The following COMMD1 variants were observed in gnomAD, a reference collection of about 807,000 sequenced individuals.
The protein encoded by COMMD1 is COMM domain-containing protein 1.
In COMMD1, 10 loss-of-function variants were observed where a neutral mutation model predicts 17.2. The observed-to-expected ratio is 0.58, with a 90% CI of 0.36 to 0.99. The LOEUF is 0.99. Among genes scored for constraint, COMMD1 ranks in the 50% least tolerant of loss-of-function variants. The pLI, the probability that COMMD1 is intolerant of heterozygous loss-of-function variation, is 0.01. For missense variants in COMMD1, 270 were observed against 231.8 expected (o/e 1.17, Z -1.07); for synonymous variants, 97 against 91.6 (o/e 1.06, Z -0.34).
chr2:62,034,088 CAAAAA>C (rs34439318), intron 2 of COMMD1, among the ~76,000 whole-genome samples: 1 of 62,576 alleles, frequency 1.6e-5, no homozygotes, highest in African/African-American at 5.2e-5. Flanking sequence ...GACCCTGTCT[CAAAAA>C]AAAAAAAAAA....
In COMMD1 at chr2:61,963,169, A is replaced by ATATAT. The variant is rs1346419618; in HGVS notation, c.181-37532_181-37531insTATAT. Among the ~76,000 whole-genome samples the ATATAT allele has an allele frequency of 3.6e-3, 512 of 143,562 alleles. 7 individuals carry two copies. The highest frequency in any genetic ancestry group is 0.013 in the African/African-American group (484 of 37,490). The allele number at this position is 143,562 out of a possible 152,430, so 94.2% of individuals were successfully genotyped here. ...AGTGAGACCCTGTCTCAAAAAAAAAAATATATATATATATATTATATACAC... is the reference window on the plus strand; with the variant it reads ...AGTGAGACCCTGTCTCAAAAAAAAAATATATATATATATATATATATTATATACAC... On this transcript the variant is annotated intron_variant, in intron 1 of 2. Transcript: ENST00000311832.
chr2:62,098,081 C>G (rs138960465), intron 2 of COMMD1, among the ~76,000 whole-genome samples: 2 of 151,786 alleles, frequency 1.3e-5, no homozygotes, highest in East Asian at 3.8e-4. Flanking sequence ...ACCATGGGAC[C>G]CTTGCAAACT....
intron 1 of COMMD1, among the ~76,000 whole-genome samples, chr2:61,907,305 C>T (rs1270514541): frequency 2.0e-5 from 3 of 152,190 alleles, no homozygotes; most frequent in Non-Finnish European, 4.4e-5. Flanking sequence ...CTGGGTTTCA[C>T]TATGTTGGCC....
intron 1 of COMMD1, among the ~76,000 whole-genome samples, chr2:61,966,180 C>T (rs2103709486): frequency 6.6e-6 from 1 of 151,872 alleles, no homozygotes; most frequent in Non-Finnish European, 1.5e-5. Flanking sequence ...CTTTTTTTTC[C>T]CATTTCCACC....
At chr2:62,100,148 A>G (rs183816862) in intron 2 of COMMD1, 1 of 152,178 alleles carries the variant, frequency 6.6e-6, no homozygotes, top group Non-Finnish European at 1.5e-5. Context: ...ATCAAGGACC[A>G]TCAACCAAAA....
chr2:61,999,359 GA>G (rs1558555173), intron 1 of COMMD1, among the ~76,000 whole-genome samples: 1 of 152,144 alleles, frequency 6.6e-6, no homozygotes, highest in Admixed American at 6.6e-5. Context: ...AAATTTATGG[GA>G]AAGTATAAAG....
At chr2:61,888,475 C>T (rs1344159232), upstream of COMMD1, 2 of 1,611,866 alleles carry the variant, frequency 1.2e-6, no homozygotes, top group South Asian at 2.2e-5. Flanking sequence ...CCCCGGCAGT[C>T]GCCCCGCTCC....
chr2:62,081,909 C>T (rs11678625), intron 2 of COMMD1, among the ~76,000 whole-genome samples: 23,497 of 151,892 alleles, frequency 0.15, 1,867 homozygotes, highest in East Asian at 0.21. Context: ...TAAAACCATT[C>T]TGTTTTGGGT....
chr2:62,063,591 G>A (rs1045108437), intron 2 of COMMD1, among the ~76,000 whole-genome samples: 3 of 152,160 alleles, frequency 2.0e-5, no homozygotes, highest in South Asian at 2.1e-4. Flanking sequence ...TTAGAGTAGC[G>A]TTGCTACATT....
chr2:61,983,229 G>A (rs527342916), intron 1 of COMMD1, among the ~76,000 whole-genome samples: 56 of 142,334 alleles, frequency 3.9e-4, no homozygotes, highest in Admixed American at 1.5e-3. Context: ...TCCCTCTGTC[G>A]CCCAGGTTGG....
chr2:62,112,435 A>G (rs926981779), intron 2 of COMMD1, among the ~76,000 whole-genome samples: 1 of 152,332 alleles, frequency 6.6e-6, no homozygotes, highest in East Asian at 1.9e-4. Flanking sequence ...AGGCCCCAGG[A>G]GTCTTTCACA....
chr2:62,019,053 C>T, intron 2 of COMMD1, among the ~76,000 whole-genome samples: 1 of 124,690 alleles, frequency 8.0e-6, no homozygotes, highest in Non-Finnish European at 1.6e-5. Context: ...CTCCTTCCTT[C>T]CTTTCTTTCT....
Position 61,941,840 on chromosome 2 carries a change from G to C in COMMD1, c.180+35982G>C, listed in dbSNP as rs573521475. On this transcript the variant is annotated intron_variant, in intron 1 of 2. Transcript: ENST00000311832. Reference sequence around the variant, plus strand: ...TACTATAAAAGTTTCTCCAGAATCTGATGATACCAATCTATGAAACAGAAC... The same window carrying C: ...TACTATAAAAGTTTCTCCAGAATCTCATGATACCAATCTATGAAACAGAAC... Among the ~76,000 whole-genome samples the C allele has an allele frequency of 1.3e-5, 2 of 152,274 alleles. 1 individual carries two copies. Among genetic ancestry groups the C allele is most frequent in the South Asian group, 4.2e-4 (2 of 4,816 alleles).
upstream of COMMD1, among the ~76,000 whole-genome samples, chr2:61,901,950 C>T (rs945152769): frequency 6.6e-6 from 1 of 152,020 alleles, no homozygotes; most frequent in Non-Finnish European, 1.5e-5. Flanking sequence ...TCTCCTGCCT[C>T]AGCCTCCCAA....
intron 2 of COMMD1, among the ~76,000 whole-genome samples, chr2:62,053,678 A>G (rs1279488283): frequency 6.6e-6 from 1 of 152,228 alleles, no homozygotes; most frequent in East Asian, 1.9e-4. Flanking sequence ...GCCAAATTCT[A>G]AGGATCAGTG....
Position 62,123,374 on chromosome 2 carries a change from G to A in COMMD1, c.463-12457G>A, listed in dbSNP as rs547829876. On this transcript the variant is annotated intron_variant, in intron 2 of 2. Transcript: ENST00000311832. Reference sequence around the variant, plus strand: ...ACAATAACTAGCTGGGTGTGGTGGCGCGCACCTGTAGTACCAGCTACTTGG... The same window carrying A: ...ACAATAACTAGCTGGGTGTGGTGGCACGCACCTGTAGTACCAGCTACTTGG... Among the ~76,000 whole-genome samples the A allele has an allele frequency of 6.1e-4, 92 of 151,058 alleles. 1 individual carries two copies. The highest frequency in any genetic ancestry group is 2.1e-3 in the African/African-American group (84 of 40,864).
At chr2:61,940,362 G>T (rs1670711020) in intron 1 of COMMD1, among the ~76,000 whole-genome samples, 1 of 152,164 alleles carries the variant, frequency 6.6e-6, no homozygotes, top group African/African-American at 2.4e-5. Flanking sequence ...GGTAAAAGGA[G>T]TCACAACTAC....
At chr2:61,989,011 A>G (rs1280120039) in intron 1 of COMMD1, among the ~76,000 whole-genome samples, 2 of 152,118 alleles carry the variant, frequency 1.3e-5, no homozygotes, top group Non-Finnish European at 2.9e-5. Flanking sequence ...CTGCTAGCGG[A>G]TGGGGGAAGG....
chr2:62,116,844 A>G lies in COMMD1; in HGVS notation c.463-18987A>G, dbSNP rs540473568. On this transcript the variant is annotated intron_variant, in intron 2 of 2. Coordinates refer to ENST00000311832, the MANE Select transcript of COMMD1 (RefSeq NM_152516.4). ...AACCCCATCTCTACTAAAAATACAA[A>G]ACTAGCCGAGCATGGTGGCACATGC... Among the ~76,000 whole-genome samples the G allele has an allele frequency of 1.1e-4, 16 of 151,188 alleles. No homozygotes were observed. In the East Asian group the frequency reaches 2.7e-3, roughly 26 times the overall value.
Sources: allele counts gnomAD v4.1 joint callset (sites outside exome capture counted in the v4.1 genomes callset), GRCh38; gene constraint gnomAD v4.1.1; transcripts MANE v1.5; gene names NCBI Gene and HGNC (gene_info 2026-07-23, HGNC 2026-07-21).